The following SERPINB10 variants were observed in gnomAD, a reference collection of about 807,000 sequenced individuals.
The protein encoded by SERPINB10 is serpin family B member 10, also known as serpin B10.
In SERPINB10, 35 loss-of-function variants were observed where a neutral mutation model predicts 39.1. The ratio of observed to expected loss-of-function variants is 0.90; its 90% CI spans 0.68 to 1.19. The LOEUF is 1.19. Ranked by LOEUF, SERPINB10 falls within the 50% of genes most tolerant of loss-of-function variation. The pLI is 0.00. For synonymous variants in SERPINB10, 190 were observed against 158.1 expected, an observed-to-expected ratio of 1.20 and a Z score of -1.52; for missense variants, 546 against 460.5, an observed-to-expected ratio of 1.19 and a Z score of -1.70.
At chr18:63,929,712 CAAAAAAAA>C (rs74169990) in intron 5 of SERPINB10, among the ~76,000 whole-genome samples, 2,612 of 97,334 alleles carry the variant, frequency 0.027, 70 homozygotes, top group African/African-American at 0.07. Flanking sequence ...AGCTAAAGTG[CAAAAAAAA>C]AAAAAAAAAA....
At chr18:63,917,785 A>T (rs1259965815) in intron 3 of SERPINB10, among the ~76,000 whole-genome samples, 180 bp from the exon 4 acceptor site, 1 of 152,080 alleles carries the variant, frequency 6.6e-6, no homozygotes, top group East Asian at 1.9e-4. Flanking sequence ...GAAGAAAATT[A>T]TGGCCTCAAT....
chr18:63,913,197 T>A (rs1003621572), intron 1 of SERPINB10, among the ~76,000 whole-genome samples: 8 of 152,020 alleles, frequency 5.3e-5, no homozygotes, highest in African/African-American at 1.9e-4. Flanking sequence ...CTGCAGTCTA[T>A]CAATCATGTT....
intron 1 of SERPINB10, among the ~76,000 whole-genome samples, chr18:63,914,589 G>A (rs2050088271): frequency 6.6e-6 from 1 of 151,932 alleles, no homozygotes. Flanking sequence ...GTATTGCTTG[G>A]GTATGGTATA....
chr18:63,926,587 G>A (rs796264407), intron 5 of SERPINB10, among the ~76,000 whole-genome samples: 5 of 151,984 alleles, frequency 3.3e-5, no homozygotes, highest in African/African-American at 9.6e-5. Flanking sequence ...ACCTAAACTG[G>A]GAATTCAGGA....
intron 5 of SERPINB10, among the ~76,000 whole-genome samples, chr18:63,923,189 A>G (rs1414376376): frequency 1.3e-5 from 2 of 151,552 alleles, no homozygotes; most frequent in Non-Finnish European, 2.9e-5. Context: ...GACCCTCCTC[A>G]CTCTATTCCT....
At chr18:63,929,522 T>C (rs2050204309) in intron 5 of SERPINB10, among the ~76,000 whole-genome samples, 1 of 151,944 alleles carries the variant, frequency 6.6e-6, no homozygotes, top group African/African-American at 2.4e-5. Context: ...ACAAGTGTCT[T>C]GCCCAGAGGT....
chr18:63,919,980 G>A (rs956239463), intron 5 of SERPINB10, 75 bp downstream of exon 5: 9 of 838,534 alleles, frequency 1.1e-5, no homozygotes, highest in East Asian at 5.1e-5. Context: ...TGTGTCATAT[G>A]TAAGTATGTA....
At chr18:63,929,151 CCTAT>C (rs1402659025) in intron 5 of SERPINB10, among the ~76,000 whole-genome samples, 1 of 151,944 alleles carries the variant, frequency 6.6e-6, no homozygotes, top group Admixed American at 6.6e-5. Flanking sequence ...AAACTCAAAC[CCTAT>C]CTAATTACAG....
chr18:63,932,527 T>C (rs2050230480), intron 6 of SERPINB10, among the ~76,000 whole-genome samples: 1 of 152,226 alleles, frequency 6.6e-6, no homozygotes, highest in Non-Finnish European at 1.5e-5. Flanking sequence ...AGGTGTTTCT[T>C]AGATCTTTTG....
chr18:63,914,565 A>G (rs1252018319), intron 1 of SERPINB10, among the ~76,000 whole-genome samples: 2 of 152,088 alleles, frequency 1.3e-5, no homozygotes, highest in Non-Finnish European at 2.9e-5. Context: ...AGGCTTTTAA[A>G]TTAAAATATT....
intron 2 of SERPINB10, 106 bp from the exon 3 acceptor site, chr18:63,917,350 A>G (rs2050110954): frequency 1.8e-6 from 1 of 569,464 alleles, no homozygotes; most frequent in Non-Finnish European, 2.9e-6. Flanking sequence ...AACTAATTAT[A>G]TGTTCTGCAA....
intron 1 of SERPINB10, among the ~76,000 whole-genome samples, chr18:63,909,444 T>C (rs1175014337): frequency 6.6e-6 from 1 of 152,030 alleles, no homozygotes; most frequent in African/African-American, 2.4e-5. Context: ...ATTAGATTTC[T>C]TTAAAAAAAG....
chr18:63,935,213 C>CT lies in SERPINB10; in HGVS notation c.1171dup (p.Tyr391LeufsTer40), dbSNP rs1485155465. 3.1e-6 allele frequency: 5 copies of CT among 1,600,138 alleles called. No individual in the cohort carries two copies. Among genetic ancestry groups the CT allele is most frequent in the Non-Finnish European group, 4.3e-6 (5 of 1,173,566 alleles). On this transcript the variant is annotated frameshift_variant, in exon 8 of 8. Transcript: ENST00000238508. LOFTEE classifies it high-confidence loss of function. ...CAGGCACAATAAAACCAACACCATT[C>CT]TTTTTTATGGAAGATTATGCTCCCC...
chr18:63,924,793 T>C (rs141810332), intron 5 of SERPINB10, among the ~76,000 whole-genome samples: 5 of 152,080 alleles, frequency 3.3e-5, no homozygotes, highest in African/African-American at 1.2e-4. Flanking sequence ...GTATTTTCTC[T>C]TTCGGGATTC....
At chr18:63,916,749 G>A (rs1398826016) in intron 2 of SERPINB10, among the ~76,000 whole-genome samples, 2 of 152,000 alleles carry the variant, frequency 1.3e-5, no homozygotes, top group Non-Finnish European at 2.9e-5. Flanking sequence ...ACTTTTAGTT[G>A]CAAATGGGCC....
At chr18:63,913,632 G>C (rs1599074513) in intron 1 of SERPINB10, among the ~76,000 whole-genome samples, 1 of 152,074 alleles carries the variant, frequency 6.6e-6, no homozygotes, top group South Asian at 2.1e-4. Context: ...TGGTCTGAGA[G>C]TATAGTTGGT....
At chr18:63,922,489 T>C (rs990593113) in intron 5 of SERPINB10, among the ~76,000 whole-genome samples, 1 of 151,942 alleles carries the variant, frequency 6.6e-6, no homozygotes, top group African/African-American at 2.4e-5. Context: ...TGTTATGTTT[T>C]AGATTCCTAG....
At chr18:63,910,822 C>CAGAAATGG (rs2050059163) in intron 1 of SERPINB10, among the ~76,000 whole-genome samples, 1 of 151,614 alleles carries the variant, frequency 6.6e-6, no homozygotes, top group African/African-American at 2.4e-5. Context: ...AATGTATACC[C>CAGAAATGG]AGTAATGGGA....
intron 6 of SERPINB10, among the ~76,000 whole-genome samples, chr18:63,931,856 A>AT (rs1378966493): frequency 6.6e-6 from 1 of 152,178 alleles, no homozygotes; most frequent in African/African-American, 2.4e-5. Context: ...CGTAGCCACC[A>AT]TTACAATGGC....
Sources: allele counts gnomAD v4.1 joint callset (sites outside exome capture counted in the v4.1 genomes callset), GRCh38; gene constraint gnomAD v4.1.1; transcripts MANE v1.5; gene names NCBI Gene and HGNC (gene_info 2026-07-23, HGNC 2026-07-21).